Variants in PPARA observed in about 807,000 individuals in gnomAD.
PPARA encodes peroxisome proliferator activated receptor alpha, also known as peroxisome proliferator-activated receptor alpha.
A neutral mutation model predicts 42.2 loss-of-function variants in PPARA; 22 were observed. The ratio of observed to expected loss-of-function variants is 0.52; its 90% CI spans 0.37 to 0.74. The LOEUF is 0.74. PPARA is among the 30% of genes least tolerant of loss of function. PPARA has a pLI of 0.00. For missense variants in PPARA, 465 were observed against 608.2 expected (o/e 0.76, Z 2.48); for synonymous variants, 242 against 239.3 (o/e 1.01, Z -0.10).
chr22:46,220,871 A>G (rs1297402952), intron 7 of PPARA, among the ~76,000 whole-genome samples: 1 of 151,934 alleles, frequency 6.6e-6, no homozygotes, highest in Non-Finnish European at 1.5e-5. Flanking sequence ...TCAACCCGGG[A>G]GGCAGAGGTT....
intron 2 of PPARA, among the ~76,000 whole-genome samples, chr22:46,174,110 A>G (rs532446250): frequency 7.5e-4 from 114 of 151,110 alleles, no homozygotes; most frequent in African/African-American, 2.7e-3. Context: ...CCCAGGAGGC[A>G]GAGGTTACAG....
At position 46,175,449 on chromosome 22, in the gene PPARA, C is replaced by T. The variant is rs145198390; in HGVS notation, c.-126-1304C>T. 9.9e-3 allele frequency among the ~76,000 whole-genome samples: 1,514 copies of T among 152,214 alleles called. 24 individuals carry two copies. Among genetic ancestry groups the T allele is most frequent in the African/African-American group, 0.035 (1,459 of 41,520 alleles). On this transcript the variant is annotated intron_variant, in intron 2 of 8. Transcript: ENST00000407236. The stretch of plus-strand genomic sequence containing the variant: ...GTCACATAGGCCGGGCGCGGTGGCT[C>T]ACGCCTGTAATCCCAGCACTTTGGG...
intron 2 of PPARA, among the ~76,000 whole-genome samples, chr22:46,152,328 G>A (rs1265337545): frequency 5.3e-5 from 8 of 151,732 alleles, no homozygotes; most frequent in African/African-American, 1.7e-4. Flanking sequence ...TAGTAGAGGC[G>A]GGGTTTCACC....
intron 3 of PPARA, among the ~76,000 whole-genome samples, chr22:46,189,372 T>C (rs1023919052): frequency 6.6e-6 from 1 of 152,228 alleles, no homozygotes; most frequent in Non-Finnish European, 1.5e-5. Flanking sequence ...CCTTTGAAGA[T>C]AAAGGTAGGT....
At chr22:46,174,190 AAGAGAGAG>A (rs150359508) in intron 2 of PPARA, among the ~76,000 whole-genome samples, 37 of 126,894 alleles carry the variant, frequency 2.9e-4, no homozygotes, top group African/African-American at 5.7e-4. Context: ...AGAAGGAAGA[AAGAGAGAG>A]AGAGAGAGAG....
Position 46,198,430 on chromosome 22 carries a change from C to A in PPARA, c.47C>A (p.Ala16Asp). ...SPLCPLSPLEAGDLESPLSEE... is the reference protein window; with the variant it reads ...SPLCPLSPLEDGDLESPLSEE... ...CTCTGCCCCCTCTCCCCACTCGAGG[C>A]CGGCGATCTAGAGAGCCCGTTATCT... The change falls in exon 4 of 9, where the codon GCC (alanine) becomes GAC (aspartate). Residue 16 changes from alanine to aspartate, a missense_variant. Around this residue, in one of 2 missense-constraint regions of PPARA, gnomAD observed 152 missense variants for 139.1 expected, o/e 1.09. Transcript: ENST00000407236. The A allele has an allele frequency of 1.2e-6, 2 of 1,613,862 alleles. No individual in the cohort carries two copies. The highest frequency in any genetic ancestry group is 1.7e-6 in the Non-Finnish European group (2 of 1,179,950).
chr22:46,220,614 T>C (rs1341025046), intron 7 of PPARA: 1 of 157,472 alleles, frequency 6.4e-6, no homozygotes, highest in East Asian at 1.9e-4. Context: ...ATTACAGGTG[T>C]GAGTCATGGC....
At chr22:46,176,950 C>T (rs534895466) in intron 3 of PPARA, 114 bp downstream of exon 3, 1 of 152,320 alleles carries the variant, frequency 6.6e-6, no homozygotes, top group African/African-American at 2.4e-5. Flanking sequence ...GTGGCTCACG[C>T]CTGTAATCCC....
rs1418260267 is a variant in PPARA, at chr22:46,184,644, C to T, written c.-43+7808C>T. The stretch of plus-strand genomic sequence containing the variant: ...TTGGGAGGCCGAGATTACCTGAGGT[C>T]GGAAGTTCAAGACCAGCCTGGCCAA... On this transcript the variant is annotated intron_variant, in intron 3 of 8. Coordinates refer to ENST00000407236, the MANE Select transcript of PPARA (RefSeq NM_005036.6). This position sits in a 1 kb window ranked among gnomAD's most constrained non-coding sequence, Gnocchi z 4.4. Among the ~76,000 whole-genome samples the T allele has an allele frequency of 1.3e-5, 2 of 152,162 alleles. No individual in the cohort carries two copies. Among genetic ancestry groups the T allele is most frequent in the East Asian group, 1.9e-4 (1 of 5,186 alleles).
At position 46,193,346 on chromosome 22, in the gene PPARA, G is replaced by A. The variant is rs111551790; in HGVS notation, c.-42-4996G>A. Among the ~76,000 whole-genome samples the A allele has an allele frequency of 5.5e-3, 830 of 152,224 alleles. 10 individuals carry two copies. The highest frequency in any genetic ancestry group is 0.018 in the African/African-American group (761 of 41,534). On this transcript the variant is annotated intron_variant, in intron 3 of 8. Coordinates refer to ENST00000407236, the MANE Select transcript of PPARA (RefSeq NM_005036.6). The surrounding 1 kb of genome is among the most constrained non-coding windows in gnomAD (Gnocchi z 5.3). ...CCTCCCAAATGCTCAGATTACAGGCGTGAGCCACCGCACCTGGCCACTGTT... is the reference window on the plus strand; with the variant it reads ...CCTCCCAAATGCTCAGATTACAGGCATGAGCCACCGCACCTGGCCACTGTT...
chr22:46,205,529 TATATATATATATATATATATA>T (rs1933154682), intron 4 of PPARA, among the ~76,000 whole-genome samples: 1 of 30,148 alleles, frequency 3.3e-5, no homozygotes, highest in Non-Finnish European at 6.4e-5. Flanking sequence ...CATATATATA[TATATATATATATATATATATA>T]TATATTTTTT....
Position 46,198,506 on chromosome 22 carries a change from C to T in PPARA, c.123C>T (p.Ile41=), listed in dbSNP as rs144010399. ...MGNIQEISQS[I]GEDSSGSFGF... ...ACATCCAAGAGATTTCGCAATCCATCGGCGAGGATAGTTCTGGAAGCTTTG... is the reference window on the plus strand; with the variant it reads ...ACATCCAAGAGATTTCGCAATCCATTGGCGAGGATAGTTCTGGAAGCTTTG... The change falls in exon 4 of 9, where the codon ATC becomes ATT. Residue 41 remains isoleucine (I), a synonymous_variant. Transcript: ENST00000407236. The T allele has an allele frequency of 2.7e-5, 43 of 1,613,858 alleles. No individual in the cohort carries two copies. In the African/African-American group the frequency reaches 3.3e-4, roughly 13 times the overall value.
Position 46,180,789 on chromosome 22 carries a change from A to G in PPARA, c.-43+3953A>G, listed in dbSNP as rs1281503245. On this transcript the variant is annotated intron_variant, in intron 3 of 8. Transcript: ENST00000407236. The surrounding 1 kb of genome is among the most constrained non-coding windows in gnomAD (Gnocchi z 4.2). ...AATCGCTCCAGTTCTCTGATTTCCC[A>G]CTACATTTTCTGGGGGCTCGTCCGG... is the stretch of plus-strand genomic sequence containing the variant. Among the ~76,000 whole-genome samples the G allele has an allele frequency of 6.6e-6, 1 of 152,018 alleles. No homozygotes were observed. Among genetic ancestry groups the G allele is most frequent in the East Asian group, 1.9e-4 (1 of 5,182 alleles).
chr22:46,172,335 A>AAC (rs1928210526), intron 2 of PPARA, among the ~76,000 whole-genome samples: 2 of 151,840 alleles, frequency 1.3e-5, no homozygotes, highest in Admixed American at 6.6e-5. Flanking sequence ...AAAAAAAAAA[A>AAC]AAAAACAGCA....
At chr22:46,207,508 C>T (rs1410064727) in intron 4 of PPARA, among the ~76,000 whole-genome samples, 1 of 150,374 alleles carries the variant, frequency 6.7e-6, no homozygotes, top group South Asian at 2.1e-4. Context: ...TGGTCTCAAT[C>T]TCCTGACCTC....
intron 4 of PPARA, among the ~76,000 whole-genome samples, chr22:46,201,718 A>C (rs565582789): frequency 6.6e-6 from 1 of 152,308 alleles, no homozygotes; most frequent in South Asian, 2.1e-4. Context: ...GAAAGGAGGC[A>C]GGTCCCAGGA....
At chr22:46,215,925 A>C (rs758250269) in intron 5 of PPARA, among the ~76,000 whole-genome samples, 1 of 152,084 alleles carries the variant, frequency 6.6e-6, no homozygotes, top group Non-Finnish European at 1.5e-5. Flanking sequence ...GAACACTTTC[A>C]TCCTGAAACT....
chr22:46,175,449 C>A (rs145198390), intron 2 of PPARA, among the ~76,000 whole-genome samples: 1 of 152,100 alleles, frequency 6.6e-6, no homozygotes, highest in Non-Finnish European at 1.5e-5. Context: ...CGCGGTGGCT[C>A]ACGCCTGTAA....
intron 3 of PPARA, among the ~76,000 whole-genome samples, chr22:46,181,934 G>A (rs970103948): frequency 6.6e-6 from 1 of 152,258 alleles, no homozygotes; most frequent in Non-Finnish European, 1.5e-5. Context: ...ACTTCACTGG[G>A]ATCAAGTGAT....
Sources: allele counts gnomAD v4.1 joint callset (sites outside exome capture counted in the v4.1 genomes callset), GRCh38; gene constraint gnomAD v4.1.1; regional missense constraint gnomAD v4.1.1; non-coding constraint Gnocchi (gnomAD v3.1); transcripts MANE v1.5; gene names NCBI Gene and HGNC (gene_info 2026-07-23, HGNC 2026-07-21).